The following CCDC180 variants were observed in gnomAD, a reference collection of about 807,000 sequenced individuals.
CCDC180 encodes coiled-coil domain containing 180, also known as coiled-coil domain-containing protein 180.
CCDC180 carries 154 observed loss-of-function variants against 209.2 expected under a neutral mutation model. The observed-to-expected ratio is 0.74, with a 90% CI of 0.65 to 0.84. The LOEUF (loss-of-function observed/expected upper bound fraction) is 0.84, where lower values mean the gene tolerates loss of function less well. Among genes scored for constraint, CCDC180 ranks in the 40% least tolerant of loss-of-function variants. The pLI, the probability that CCDC180 is intolerant of heterozygous loss-of-function variation, is 0.00. For synonymous variants in CCDC180, 778 were observed against 749.1 expected, an observed-to-expected ratio of 1.04 and a Z score of -0.63; for missense variants, 1,874 against 1,997.3, an observed-to-expected ratio of 0.94 and a Z score of 1.18.
intron 29 of CCDC180, 25 bp downstream of exon 29, chr9:97,364,153 G>A (rs749364001): frequency 3.7e-6 from 6 of 1,610,906 alleles, no homozygotes; most frequent in Non-Finnish European, 5.1e-6. Flanking sequence ...CTTTCCTTTT[G>A]ACTGCATTTA....
chr9:97,328,803 G>A (rs924163237), intron 16 of CCDC180, among the ~76,000 whole-genome samples: 20 of 152,322 alleles, frequency 1.3e-4, no homozygotes, highest in Admixed American at 8.5e-4. Context: ...CTTGGTTGCT[G>A]TCAAATACAG....
Position 97,354,706 on chromosome 9 carries a change from T to C in CCDC180, c.3140T>C (p.Leu1047Pro), listed in dbSNP as rs937899813. The change falls in exon 23 of 37, where the codon CTG becomes CCG. Residue 1047 changes from leucine (L) to proline (P), a missense_variant. Transcript: ENST00000529487. ...LNMEKLENEY[L>P]DQANDVINKF... ...ATGGAGAAGTTGGAGAATGAGTACC[T>C]GGACCAGGTAGGGCCCCCAGCCAGG... The C allele has an allele frequency of 2.5e-6, 4 of 1,614,204 alleles. No individual in the cohort carries two copies. In the East Asian group the frequency reaches 8.9e-5, roughly 36 times the overall value.
intron 3 of CCDC180, 76 bp downstream of exon 3, chr9:97,309,680 C>A (rs1015914803): frequency 4.1e-6 from 5 of 1,216,570 alleles, no homozygotes; most frequent in Non-Finnish European, 5.6e-6. Flanking sequence ...AGAGCCAGCA[C>A]AAGATGAGTA....
intron 18 of CCDC180, 137 bp downstream of exon 18, chr9:97,330,904 A>C: frequency 1.1e-6 from 1 of 876,100 alleles, no homozygotes; most frequent in Non-Finnish European, 1.7e-6. Context: ...AAAAATATTC[A>C]TACTATTCAT....
At chr9:97,323,012 C>T in intron 12 of CCDC180, 91 bp downstream of exon 12, 1 of 914,352 alleles carries the variant, frequency 1.1e-6, no homozygotes, top group Non-Finnish European at 1.7e-6. Flanking sequence ...CTTCCCCTCC[C>T]CAGCTATGTC....
At position 97,326,539 on chromosome 9, in the gene CCDC180, G is replaced by A; in HGVS notation, c.1546-15G>A. ...GGTCACATCTGCTTCCTCTTGTTTT[G>A]GGGGTGGCTTCCAGGTGCAGGAGGC... is the stretch of plus-strand genomic sequence containing the variant. On this transcript the variant is annotated splice_polypyrimidine_tract_variant and intron_variant, in intron 14 of 36. Transcript: ENST00000529487. 4 of 1,491,550 alleles carry A rather than the reference G, an allele frequency of 2.7e-6. No homozygotes were observed. The highest frequency in any genetic ancestry group is 3.7e-6 in the Non-Finnish European group (4 of 1,068,352). 92.4% of individuals were successfully genotyped at this position (1,491,550 alleles called of 1,614,324 possible).
At chr9:97,328,245 A>T in intron 16 of CCDC180, 99 bp downstream of exon 16, 1 of 1,346,132 alleles carries the variant, frequency 7.4e-7, no homozygotes, top group Non-Finnish European at 1.0e-6. Context: ...AGCCATTCCT[A>T]ATGCTGCAGA....
At chr9:97,351,753 C>A (rs1212554190) in intron 22 of CCDC180, among the ~76,000 whole-genome samples, 1 of 152,158 alleles carries the variant, frequency 6.6e-6, no homozygotes, top group Admixed American at 6.5e-5. Context: ...ACCAGCATCA[C>A]CAAATCATGG....
At chr9:97,357,757 A>G in intron 25 of CCDC180, 32 bp downstream of exon 25, 1 of 1,432,388 alleles carries the variant, frequency 7.0e-7, no homozygotes, top group Non-Finnish European at 9.8e-7. Context: ...CATGTGAATA[A>G]TAAAGATATA....
intron 31 of CCDC180, chr9:97,369,703 AGT>A: frequency 2.4e-6 from 1 of 416,390 alleles, no homozygotes; most frequent in Non-Finnish European, 4.3e-6. Context: ...AGCCTCCCAA[AGT>A]GCTGGGATTA....
intron 33 of CCDC180, chr9:97,371,342 T>C (rs1329483093): frequency 2.7e-5 from 9 of 333,338 alleles, no homozygotes; most frequent in Non-Finnish European, 4.9e-5. Context: ...GATCCATGTC[T>C]AGTTTTATTT....
chr9:97,347,563 G>A, intron 20 of CCDC180, 74 bp downstream of exon 20: 2 of 1,378,888 alleles, frequency 1.5e-6, no homozygotes, highest in Admixed American at 2.1e-5. Flanking sequence ...GCGGCTCCAT[G>A]TTCATTAGCT....
Position 97,309,462 on chromosome 9 carries a change from C to A in CCDC180, c.118C>A (p.Arg40Ser), listed in dbSNP as rs751767974. The A allele has an allele frequency of 6.9e-6, 11 of 1,604,978 alleles. No homozygotes were observed. Among genetic ancestry groups the A allele is most frequent in the Admixed American group, 1.7e-5 (1 of 58,620 alleles). The change falls in exon 3 of 37, where the codon CGT becomes AGT. Residue 40 changes from arginine to serine, a missense_variant. Transcript: ENST00000529487. ...LAATRKRAAE[R>S]SVTLKSGRIP... ...GGCCACCAGGAAGCGGGCTGCAGAGCGTTCTGTGACCCTGAAGAGTGGCAG... is the reference window on the plus strand; with the variant it reads ...GGCCACCAGGAAGCGGGCTGCAGAGAGTTCTGTGACCCTGAAGAGTGGCAG...
intron 5 of CCDC180, among the ~76,000 whole-genome samples, chr9:97,313,676 C>T (rs1160396725): frequency 1.3e-5 from 2 of 152,242 alleles, no homozygotes; most frequent in Non-Finnish European, 2.9e-5. Flanking sequence ...AGCCTTCGGC[C>T]TCCCTGCTCA....
intron 18 of CCDC180, among the ~76,000 whole-genome samples, chr9:97,332,883 C>G (rs1247558534): frequency 2.0e-5 from 3 of 152,190 alleles, no homozygotes; most frequent in Non-Finnish European, 4.4e-5. Flanking sequence ...CCTGATTACT[C>G]TGCCCAGGGC....
chr9:97,328,836 A>C (rs544197413), intron 16 of CCDC180, among the ~76,000 whole-genome samples: 1 of 152,248 alleles, frequency 6.6e-6, no homozygotes, highest in South Asian at 2.1e-4. Context: ...CCCAACTATA[A>C]TATATTTCTT....
chr9:97,328,420 C>T (rs924288380), intron 16 of CCDC180, among the ~76,000 whole-genome samples: 13 of 152,052 alleles, frequency 8.5e-5, no homozygotes, highest in African/African-American at 3.1e-4. Flanking sequence ...TTTATCATAC[C>T]TACCACTGCC....
intron 30 of CCDC180, 43 bp downstream of exon 30, chr9:97,365,782 C>A: frequency 6.4e-7 from 1 of 1,565,324 alleles, no homozygotes; most frequent in Non-Finnish European, 8.8e-7. Flanking sequence ...CTGGAAACCA[C>A]GCCTGCCTTC....
rs745406850 is a variant in CCDC180 at position 97,343,486 on chromosome 9, C to A, written c.2421C>A (p.Phe807Leu). ...RKSHSTFSAM[F>L]INDTSSAKFI... Reference sequence around the variant, plus strand: ...CCCATTCCACCTTCTCAGCCATGTTCATCAACGACACTTCCAGTGCCAAGT... The same window carrying A: ...CCCATTCCACCTTCTCAGCCATGTTAATCAACGACACTTCCAGTGCCAAGT... Residue 807 changes from phenylalanine to leucine, a missense_variant, in exon 19 of 37, where the codon TTC becomes TTA. Phe to Leu is a conservative substitution (Grantham distance 22). Transcript: ENST00000529487. 1 of 1,614,064 alleles carries A rather than the reference C, an allele frequency of 6.2e-7. No homozygotes were observed. Among genetic ancestry groups the A allele is most frequent in the Non-Finnish European group, 8.5e-7 (1 of 1,179,968 alleles).
Sources: gnomAD v4.1 joint callset for allele counts (sites outside exome capture counted in the v4.1 genomes callset) on GRCh38, gnomAD v4.1.1 for gene constraint, MANE v1.5 for transcripts, NCBI Gene and HGNC (gene_info 2026-07-23, HGNC 2026-07-21) for gene names.